AUTS2: variants seen among roughly 807,000 people sequenced by gnomAD.
The protein encoded by AUTS2 is autism susceptibility gene 2 protein.
A neutral mutation model predicts 112.4 loss-of-function variants in AUTS2; 17 were observed. The ratio of observed to expected loss-of-function variants is 0.15; its 90% confidence interval spans 0.10 to 0.23. AUTS2 has a LOEUF of 0.23. Ranked by LOEUF, AUTS2 falls within the 10% of genes least tolerant of loss-of-function variation. The probability of loss-of-function intolerance (pLI) is 1.00; values close to 1 mark genes in which losing one functional copy is unlikely to be tolerated. For synonymous variants in AUTS2, 751 were observed against 702.7 expected (o/e 1.07, Z -1.09); for missense variants, 1,510 against 1,701.6 (o/e 0.89, Z 1.98).
chr7:70,354,708 G>A (rs1381224736), intron 4 of AUTS2, among the ~76,000 whole-genome samples: 1 of 152,132 alleles, frequency 6.6e-6, no homozygotes, highest in Admixed American at 6.6e-5. Context: ...GTCCAAATGA[G>A]ATGGGCCATA....
intron 4 of AUTS2, among the ~76,000 whole-genome samples, chr7:70,250,670 G>A (rs1044090502): frequency 1.3e-5 from 2 of 152,140 alleles, no homozygotes; most frequent in African/African-American, 4.8e-5. Context: ...ATACATCATG[G>A]AACACCATGC....
At chr7:70,253,170 C>T (rs1310682555) in intron 4 of AUTS2, among the ~76,000 whole-genome samples, 1 of 152,106 alleles carries the variant, frequency 6.6e-6, no homozygotes, top group Non-Finnish European at 1.5e-5. Flanking sequence ...TAGTGATGTG[C>T]TCATGTCATT....
intron 4 of AUTS2, among the ~76,000 whole-genome samples, chr7:70,396,285 T>A (rs1452430553): frequency 1.3e-5 from 2 of 152,220 alleles, no homozygotes; most frequent in Non-Finnish European, 2.9e-5. Context: ...TCTGTCACTA[T>A]GGATTACTAT....
chr7:70,440,091 G>A (rs949709634), intron 5 of AUTS2, among the ~76,000 whole-genome samples: 2 of 151,998 alleles, frequency 1.3e-5, no homozygotes, highest in African/African-American at 4.8e-5. Flanking sequence ...TTAAATGAAA[G>A]CATTTAGGGC....
chr7:69,946,362 A>C (rs1157383617), intron 2 of AUTS2, among the ~76,000 whole-genome samples: 1 of 152,156 alleles, frequency 6.6e-6, no homozygotes, highest in South Asian at 2.1e-4. Flanking sequence ...GAAGTTCCTC[A>C]AAAAATTAAA....
At chr7:70,049,042 C>A (rs1801628744) in intron 2 of AUTS2, among the ~76,000 whole-genome samples, 2 of 152,096 alleles carry the variant, frequency 1.3e-5, no homozygotes, top group African/African-American at 4.8e-5. Flanking sequence ...AGCAGTGTTC[C>A]TGTCTCAGCC....
intron 5 of AUTS2, among the ~76,000 whole-genome samples, chr7:70,456,419 CAT>C (rs1359340763): frequency 6.6e-6 from 1 of 152,258 alleles, no homozygotes; most frequent in Non-Finnish European, 1.5e-5. Flanking sequence ...ATGCGAGTGT[CAT>C]GTGCAATTTG....
chr7:69,920,676 G>T (rs1226333418), intron 2 of AUTS2, among the ~76,000 whole-genome samples: 4 of 152,112 alleles, frequency 2.6e-5, no homozygotes, highest in African/African-American at 9.7e-5. Flanking sequence ...TATTTATGTA[G>T]ACTGAATGAA....
intron 1 of AUTS2, among the ~76,000 whole-genome samples, chr7:69,807,710 G>A (rs1041342547): frequency 3.9e-5 from 6 of 152,166 alleles, no homozygotes; most frequent in African/African-American, 1.4e-4. Flanking sequence ...TGGAGCTGGA[G>A]AGTCTGCTTC....
At chr7:70,085,320 T>C (rs1023963679) in intron 2 of AUTS2, among the ~76,000 whole-genome samples, 2 of 152,164 alleles carry the variant, frequency 1.3e-5, no homozygotes, top group Non-Finnish European at 2.9e-5. Context: ...TTTGAGTTAA[T>C]TTTTGTATAT....
intron 2 of AUTS2, among the ~76,000 whole-genome samples, chr7:70,012,603 C>T (rs1284029725): frequency 6.6e-6 from 1 of 151,956 alleles, no homozygotes; most frequent in Non-Finnish European, 1.5e-5. Flanking sequence ...TTTCCTCTTC[C>T]ATTTCTCCCT....
chr7:70,323,846 T>C (rs1017109511), intron 4 of AUTS2, among the ~76,000 whole-genome samples: 3 of 152,222 alleles, frequency 2.0e-5, no homozygotes, highest in African/African-American at 7.2e-5. Context: ...ATTGAACATG[T>C]CCTATTGACA....
chr7:70,110,846 ACTTT>A (rs1379774939), intron 2 of AUTS2, among the ~76,000 whole-genome samples: 1 of 147,130 alleles, frequency 6.8e-6, no homozygotes, highest in Non-Finnish European at 1.5e-5. Context: ...GGAATACCTA[ACTTT>A]CTTTCTTTCT....
chr7:70,105,187 A>G (rs141242761), intron 2 of AUTS2, among the ~76,000 whole-genome samples: 1 of 152,234 alleles, frequency 6.6e-6, no homozygotes, highest in African/African-American at 2.4e-5. Flanking sequence ...TTGTCTGTAA[A>G]TTGGGAAGTA....
At chr7:69,778,421 A>ACC (rs1172620637) in intron 1 of AUTS2, among the ~76,000 whole-genome samples, 3 of 151,698 alleles carry the variant, frequency 2.0e-5, no homozygotes, top group African/African-American at 7.3e-5. Flanking sequence ...CCATGCCAAG[A>ACC]CCCCACCCAC....
At chr7:70,746,845 C>T (rs994303161) in intron 6 of AUTS2, among the ~76,000 whole-genome samples, 6 of 152,142 alleles carry the variant, frequency 3.9e-5, no homozygotes, top group African/African-American at 1.4e-4. Flanking sequence ...TGATTATTGT[C>T]AGCATGATCG....
intron 2 of AUTS2, among the ~76,000 whole-genome samples, chr7:70,081,935 AGTGT>A (rs3049737): frequency 0.027 from 3,934 of 146,514 alleles, 62 homozygotes; most frequent in Admixed American, 0.034. Flanking sequence ...TTCTGTGAAG[AGTGT>A]GTGTGTGTGT....
At chr7:70,785,129 C>G in intron 16 of AUTS2, 110 bp downstream of exon 16, 2 of 1,101,750 alleles carry the variant, frequency 1.8e-6, no homozygotes, top group Non-Finnish European at 2.7e-6. Flanking sequence ...CCCAGATACC[C>G]TGCTTACCAT....
At chr7:70,023,345 G>T (rs2159678) in intron 2 of AUTS2, among the ~76,000 whole-genome samples, 55,918 of 151,954 alleles carry the variant, frequency 0.37, 10,840 homozygotes, top group African/African-American at 0.49. Flanking sequence ...ACAAACTGCC[G>T]TTCCTGGTGA....
Sources: allele counts gnomAD v4.1 joint callset (sites outside exome capture counted in the v4.1 genomes callset), GRCh38; gene constraint gnomAD v4.1.1; transcripts MANE v1.5; gene names NCBI Gene and HGNC (gene_info 2026-07-23, HGNC 2026-07-21).